GPALPP1: variants seen among roughly 807,000 people sequenced by gnomAD.
GPALPP1 encodes the protein GPALPP motifs-containing protein 1.
A neutral mutation model predicts 38.9 loss-of-function variants in GPALPP1; 30 were observed. The observed-to-expected ratio is 0.77, with a 90% CI of 0.58 to 1.05. GPALPP1 has a LOEUF of 1.05. Among genes scored for constraint, GPALPP1 ranks in the 50% least tolerant of loss-of-function variants. The pLI is 0.00. For missense variants in GPALPP1, 384 were observed against 408.8 expected (o/e 0.94, Z 0.52); for synonymous variants, 120 against 139.2 (o/e 0.86, Z 0.97).
intron 7 of GPALPP1, among the ~76,000 whole-genome samples, chr13:45,026,282 T>C (rs11617581): frequency 0.016 from 2,453 of 152,344 alleles, 28 homozygotes; most frequent in African/African-American, 0.026. Flanking sequence ...TTTAAATACA[T>C]ATTTACTAAT....
chr13:44,991,303 C>T (rs989714504), intron 1 of GPALPP1, among the ~76,000 whole-genome samples: 1 of 151,660 alleles, frequency 6.6e-6, no homozygotes, highest in Non-Finnish European at 1.5e-5. Context: ...AAAAATTAGC[C>T]AGGCATGGTG....
intron 2 of GPALPP1, among the ~76,000 whole-genome samples, chr13:45,004,685 G>A (rs1873948669): frequency 6.6e-6 from 1 of 152,004 alleles, no homozygotes; most frequent in Admixed American, 6.6e-5. Context: ...GCTCACTCTG[G>A]CGCACATGCT....
chr13:45,023,735 T>C (rs765223062), intron 7 of GPALPP1, among the ~76,000 whole-genome samples: 3 of 152,196 alleles, frequency 2.0e-5, no homozygotes, highest in African/African-American at 4.8e-5. Flanking sequence ...TAAGGACTTA[T>C]TATCTCACTA....
chr13:44,999,611 C>T (rs1405318297), intron 1 of GPALPP1, among the ~76,000 whole-genome samples: 9 of 152,142 alleles, frequency 5.9e-5, no homozygotes, highest in African/African-American at 1.7e-4. Context: ...GACAGAGTCT[C>T]ACTCTGTCAC....
chr13:45,023,213 T>C (rs1875549122), intron 7 of GPALPP1, among the ~76,000 whole-genome samples: 1 of 152,206 alleles, frequency 6.6e-6, no homozygotes, highest in Non-Finnish European at 1.5e-5. Flanking sequence ...GTGAGTTGAC[T>C]GCTTTTAGGT....
At chr13:45,014,068 C>T (rs1874662741) in intron 4 of GPALPP1, among the ~76,000 whole-genome samples, 1 of 152,126 alleles carries the variant, frequency 6.6e-6, no homozygotes, top group African/African-American at 2.4e-5. Flanking sequence ...CATCATCCTA[C>T]CAGGACATGC....
At position 44,996,997 on chromosome 13, in the gene GPALPP1, C is replaced by T. The variant is rs369170962; in HGVS notation, c.88+7255C>T. Reference sequence around the variant, plus strand: ...TCACTAAGTAATAACTCCTCATTCCCCCCTCCAGCTCCTGACAAGCACCAT... The same window carrying T: ...TCACTAAGTAATAACTCCTCATTCCTCCCTCCAGCTCCTGACAAGCACCAT... On this transcript the variant is annotated intron_variant, in intron 1 of 7. Transcript: ENST00000379151. 2.4e-4 allele frequency among the ~76,000 whole-genome samples: 36 copies of T among 151,978 alleles called. No homozygotes were observed. The South Asian group carries it at 7.1e-3, about 30-fold the overall frequency.
Position 45,008,866 on chromosome 13 carries a change from A to G in GPALPP1, c.395A>G (p.Asp132Gly). 1 of 1,578,518 alleles carries G rather than the reference A, an allele frequency of 6.3e-7. No homozygotes were observed. The highest frequency in any genetic ancestry group is 8.7e-7 in the Non-Finnish European group (1 of 1,147,720). ...STQKSDKGRD[D>G]PGQQETDSSE... is the part of the protein sequence containing the mutation. ...CAGAAAAGTGACAAGGGCAGAGATG[A>G]TCCAGGACAACAGGTATCATCATCC... The change falls in exon 4 of 8, where the codon GAT becomes GGT. Residue 132 changes from aspartate to glycine, a missense_variant. Asp to Gly is a moderately conservative substitution (Grantham distance 94). Transcript: ENST00000379151.
At chr13:44,995,169 A>AACACACACACAC (rs371911111) in intron 1 of GPALPP1, among the ~76,000 whole-genome samples, 23,803 of 128,308 alleles carry the variant, frequency 0.19, 2,845 homozygotes, top group Non-Finnish European at 0.26. Context: ...CCTATCTTTA[A>AACACACACACAC]ACACACACAC....
intron 3 of GPALPP1, among the ~76,000 whole-genome samples, chr13:45,006,793 G>T (rs1239416295): frequency 2.6e-5 from 4 of 152,068 alleles, no homozygotes; most frequent in African/African-American, 9.7e-5. Flanking sequence ...GAATTGTGAT[G>T]ATTGAGGTTT....
At position 45,028,062 on chromosome 13, in the gene GPALPP1, C is replaced by T; in HGVS notation, c.*59C>T. ...TGATCAATGTGAACTTTTCTAAATACTCTATTGTCTTTAATAATTGTGCTG... is the reference window on the plus strand; with the variant it reads ...TGATCAATGTGAACTTTTCTAAATATTCTATTGTCTTTAATAATTGTGCTG... On this transcript the variant is annotated 3_prime_UTR_variant, in exon 8 of 8. Transcript: ENST00000379151. The T allele has an allele frequency of 5.1e-6, 4 of 791,348 alleles. No homozygotes were observed. Among genetic ancestry groups the T allele is most frequent in the South Asian group, 1.8e-5 (1 of 56,372 alleles). The allele number at this position is 791,348 out of a possible 1,614,324, so 49.0% of individuals were successfully genotyped here. A position where few individuals can be genotyped will look rare whatever the true frequency, so the allele number is the denominator to read the frequency against.
exon 8 of GPALPP1, chr13:45,037,470 ATTAAC>A (rs1267189938): frequency 2.6e-5 from 4 of 152,226 alleles, no homozygotes; most frequent in Admixed American, 6.5e-5. Flanking sequence ...TACAGACATA[ATTAAC>A]TTAATATTGA....
chr13:44,999,826 C>T (rs185537121), intron 1 of GPALPP1, among the ~76,000 whole-genome samples: 4 of 152,260 alleles, frequency 2.6e-5, no homozygotes, highest in Middle Eastern at 3.4e-3. Flanking sequence ...GATCCGCCTG[C>T]CTTGTCCTCC....
In GPALPP1 at chr13:45,029,795, T is replaced by G. The variant is rs1273051496; in HGVS notation, c.*1792T>G. On this transcript the variant is annotated 3_prime_UTR_variant, in exon 8 of 8. Coordinates refer to ENST00000379151, the MANE Select transcript of GPALPP1 (RefSeq NM_018559.5). ...CAGGGCTTTTTATTTGTTATTTAAT[T>G]TTTTAATTGTTTTTAAGTCAGAAAG... 6.6e-6 allele frequency: 1 copy of G among 152,224 alleles called. No individual in the cohort carries two copies. Among genetic ancestry groups the G allele is most frequent in the African/African-American group, 2.4e-5 (1 of 41,468 alleles). 9.4% of individuals were successfully genotyped at this position (152,224 alleles called of 1,614,324 possible).
intron 7 of GPALPP1, among the ~76,000 whole-genome samples, chr13:45,027,573 CTGA>C (rs1292269204): frequency 2.6e-5 from 4 of 151,964 alleles, no homozygotes; most frequent in Non-Finnish European, 4.4e-5. Flanking sequence ...GGTTTGTACT[CTGA>C]TGTTTAGTAT....
intron 1 of GPALPP1, among the ~76,000 whole-genome samples, chr13:44,996,259 G>A (rs1873260564): frequency 6.6e-6 from 1 of 151,864 alleles, no homozygotes; most frequent in South Asian, 2.1e-4. Context: ...GGGGGCTGAG[G>A]CAAGAGGATT....
At chr13:45,003,910 G>GAA (rs200036968) in intron 1 of GPALPP1, among the ~76,000 whole-genome samples, 2 of 143,644 alleles carry the variant, frequency 1.4e-5, no homozygotes, top group East Asian at 4.0e-4. Context: ...TAAACTGTAA[G>GAA]AAAAAAAAAA....
intron 4 of GPALPP1, among the ~76,000 whole-genome samples, chr13:45,013,444 A>T (rs1015666819): frequency 6.6e-6 from 1 of 152,214 alleles, no homozygotes; most frequent in African/African-American, 2.4e-5. Flanking sequence ...TGTTTATTTC[A>T]CAAAAATTGT....
intron 1 of GPALPP1, among the ~76,000 whole-genome samples, chr13:44,993,925 T>C (rs1323496829): frequency 1.3e-5 from 2 of 151,948 alleles, no homozygotes; most frequent in East Asian, 1.9e-4. Flanking sequence ...ATATGCTTAT[T>C]GGCTTGTGCA....
Sources: gnomAD v4.1 joint callset for allele counts (sites outside exome capture counted in the v4.1 genomes callset) on GRCh38, gnomAD v4.1.1 for gene constraint, MANE v1.5 for transcripts, NCBI Gene and HGNC (gene_info 2026-07-23, HGNC 2026-07-21) for gene names.